ARHGEF4: variants seen among roughly 807,000 people sequenced by gnomAD.
ARHGEF4 encodes the protein Rho guanine nucleotide exchange factor 4.
A neutral mutation model predicts 162.0 loss-of-function variants in ARHGEF4; 119 were observed. The observed-to-expected ratio is 0.73, with a 90% CI of 0.63 to 0.86. The LOEUF is 0.86. Ranked by LOEUF, ARHGEF4 falls within the 40% of genes least tolerant of loss-of-function variation. The probability of loss-of-function intolerance (pLI) is 0.00; values close to 1 mark genes in which losing one functional copy is unlikely to be tolerated. For synonymous variants in ARHGEF4, 1,014 were observed against 979.9 expected, an observed-to-expected ratio of 1.03 and a Z score of -0.65; for missense variants, 2,488 against 2,456.0, an observed-to-expected ratio of 1.01 and a Z score of -0.28.
At chr2:130,946,725 G>A in intron 4 of ARHGEF4, 90 bp downstream of exon 4, 1 of 1,568,996 alleles carries the variant, frequency 6.4e-7, no homozygotes, top group Non-Finnish European at 8.7e-7. Flanking sequence ...GTATCCACTT[G>A]CCTGGTAGAA....
intron 1 of ARHGEF4, among the ~76,000 whole-genome samples, chr2:130,866,411 C>T (rs763669862): frequency 6.6e-5 from 10 of 152,076 alleles, no homozygotes; most frequent in African/African-American, 2.4e-4. Flanking sequence ...GTGGGTATGG[C>T]AGGCAGGATT....
At chr2:130,895,973 ATGATATATTTTGAGTTAATTTTATG>A (rs1680130080) in intron 1 of ARHGEF4, among the ~76,000 whole-genome samples, 1 of 152,092 alleles carries the variant, frequency 6.6e-6, no homozygotes, top group Admixed American at 6.5e-5. Context: ...ACTTAGCTAT[ATGATATATTTTGAGTTAATTTTATG>A]TATGGTGTGA....
At chr2:130,962,788 A>G (rs996243995) in intron 4 of ARHGEF4, among the ~76,000 whole-genome samples, 2 of 148,832 alleles carry the variant, frequency 1.3e-5, no homozygotes, top group African/African-American at 4.9e-5. Flanking sequence ...TGGGGGAATG[A>G]TAATGCTGTG....
intron 4 of ARHGEF4, among the ~76,000 whole-genome samples, chr2:130,993,069 G>A (rs1396005921): frequency 6.6e-6 from 1 of 152,200 alleles, no homozygotes; most frequent in Non-Finnish European, 1.5e-5. Context: ...GGGCAACAGA[G>A]CAAGACTGTT....
At chr2:130,999,239 A>G (rs776482682) in intron 4 of ARHGEF4, among the ~76,000 whole-genome samples, 8 of 150,712 alleles carry the variant, frequency 5.3e-5, no homozygotes, top group African/African-American at 7.3e-5. Context: ...GCTCACTGCA[A>G]TTCTCCTGGG....
chr2:130,920,074 G>A (rs1681780132), intron 2 of ARHGEF4, among the ~76,000 whole-genome samples: 1 of 151,808 alleles, frequency 6.6e-6, no homozygotes, highest in Non-Finnish European at 1.5e-5. Context: ...TTGGTTTGTT[G>A]GGGTTTTTTT....
At chr2:130,839,793 C>T (rs1680481243) in intron 1 of ARHGEF4, among the ~76,000 whole-genome samples, 1 of 152,168 alleles carries the variant, frequency 6.6e-6, no homozygotes, top group African/African-American at 2.4e-5. Context: ...GACAGCTGGA[C>T]CCCCTGCTGC....
intron 1 of ARHGEF4, among the ~76,000 whole-genome samples, chr2:130,849,595 G>A (rs1467512054): frequency 6.7e-6 from 1 of 149,944 alleles, no homozygotes; most frequent in Non-Finnish European, 1.5e-5. Flanking sequence ...CTGAGACGGA[G>A]TCTTGCTCTG....
intron 1 of ARHGEF4, among the ~76,000 whole-genome samples, chr2:130,871,633 G>GAA (rs78196311): frequency 6.0e-5 from 9 of 150,416 alleles, no homozygotes; most frequent in African/African-American, 2.0e-4. Context: ...AAATTTTTAG[G>GAA]AAAAAAAATC....
intron 4 of ARHGEF4, chr2:131,011,677 G>C: frequency 6.5e-7 from 1 of 1,533,384 alleles, no homozygotes. Flanking sequence ...GCTGATGGGG[G>C]TGGGGTAGAG....
intron 4 of ARHGEF4, among the ~76,000 whole-genome samples, chr2:130,999,967 CT>C (rs1284240772): frequency 6.6e-6 from 1 of 152,234 alleles, no homozygotes; most frequent in Non-Finnish European, 1.5e-5. Flanking sequence ...CTGCCTCGGC[CT>C]CCCAAAATGG....
chr2:130,894,943 G>A lies in ARHGEF4; in HGVS notation c.40-19043G>A, dbSNP rs528435141. ...ATATTTTTTTCCTTATTGGCTTTAC[G>A]TAGATTGAATTTACATACAGCAAAA... On this transcript the variant is annotated intron_variant, in intron 1 of 13. Coordinates refer to ENST00000409359, the MANE Select transcript of ARHGEF4 (RefSeq NM_001367493.1). 1.4e-3 allele frequency among the ~76,000 whole-genome samples: 209 copies of A among 152,236 alleles called. 1 individual carries two copies. The highest frequency in any genetic ancestry group is 4.2e-3 in the African/African-American group (175 of 41,536).
At chr2:130,846,322 C>A (rs1486708379) in intron 1 of ARHGEF4, among the ~76,000 whole-genome samples, 1 of 152,236 alleles carries the variant, frequency 6.6e-6, no homozygotes, top group African/African-American at 2.4e-5. Flanking sequence ...GAGACCCCCA[C>A]AACCCAAGAG....
intron 1 of ARHGEF4, among the ~76,000 whole-genome samples, chr2:130,898,168 G>A (rs934887550): frequency 6.6e-6 from 1 of 152,228 alleles, no homozygotes; most frequent in Non-Finnish European, 1.5e-5. Context: ...GATGCCCCCA[G>A]GCTAGAGCCC....
chr2:131,001,051 T>C (rs1294903369), intron 4 of ARHGEF4, among the ~76,000 whole-genome samples: 1 of 152,082 alleles, frequency 6.6e-6, no homozygotes, highest in African/African-American at 2.4e-5. Context: ...ACACCTGTGA[T>C]CCCAGCACTT....
At chr2:130,977,498 TATG>T (rs1685823810) in intron 4 of ARHGEF4, among the ~76,000 whole-genome samples, 1 of 151,926 alleles carries the variant, frequency 6.6e-6, no homozygotes, top group South Asian at 2.1e-4. Flanking sequence ...ATAGTGGTTT[TATG>T]ATGTGTATGT....
At position 131,040,528 on chromosome 2, in the gene ARHGEF4, C is replaced by T. The variant is rs193061955; in HGVS notation, c.4662+88C>T. ...AGCGCGGACAGCGGGTGGCTGGTCC[C>T]AAAACCTTCCACAACGCCTGGGCCC... On this transcript the variant is annotated intron_variant, in intron 8 of 13. Coordinates refer to ENST00000409359, the MANE Select transcript of ARHGEF4 (RefSeq NM_001367493.1). 2.3e-4 allele frequency: 315 copies of T among 1,398,718 alleles called. 3 individuals carry two copies. In the African/African-American group the frequency reaches 4.1e-3, roughly 18 times the overall value. 86.6% of individuals were successfully genotyped at this position (1,398,718 alleles called of 1,614,324 possible).
intron 1 of ARHGEF4, among the ~76,000 whole-genome samples, chr2:130,895,429 G>T (rs1272688709): frequency 6.6e-6 from 1 of 152,120 alleles, no homozygotes; most frequent in Non-Finnish European, 1.5e-5. Context: ...CACTTTTTTG[G>T]GTAAACATCT....
In ARHGEF4 at chr2:130,915,522, C is replaced by T. The variant is rs1397187946; in HGVS notation, c.1576C>T (p.Arg526Trp). 13 of 1,550,522 alleles carry T rather than the reference C, an allele frequency of 8.4e-6. No individual in the cohort carries two copies. Among genetic ancestry groups the T allele is most frequent in the Middle Eastern group, 1.7e-4 (1 of 5,990 alleles). ...SKSPTRAKFP[R>W]QPSSEGTQVW... ...GTCACCTACCAGGGCCAAGTTCCCA[C>T]GGCAGCCTAGCAGTGAGGGGACCCA... The change falls in exon 2 of 14, where the codon CGG (arginine) becomes TGG (tryptophan). Residue 526 changes from arginine (R) to tryptophan (W), a missense_variant. Physicochemically the swap from Arg to Trp is moderately radical, Grantham distance 101. This residue lies in a region of ARHGEF4 where 1,642 missense variants were observed against 1,481.5 expected (regional missense o/e 1.11). Transcript: ENST00000409359.
Sources: allele counts gnomAD v4.1 joint callset (sites outside exome capture counted in the v4.1 genomes callset), GRCh38; gene constraint gnomAD v4.1.1; regional missense constraint gnomAD v4.1.1; transcripts MANE v1.5; gene names NCBI Gene and HGNC (gene_info 2026-07-23, HGNC 2026-07-21).